GRIK1: variants seen among roughly 807,000 people sequenced by gnomAD.
The protein encoded by GRIK1 is glutamate receptor ionotropic, kainate 1.
In GRIK1, 69 loss-of-function variants were observed where a neutral mutation model predicts 105.7. The observed-to-expected ratio is 0.65, with a 90% CI of 0.54 to 0.80. The LOEUF (loss-of-function observed/expected upper bound fraction) is 0.80, where lower values mean the gene tolerates loss of function less well. GRIK1 is among the 30% of genes least tolerant of loss of function. The pLI, the probability that GRIK1 is intolerant of heterozygous loss-of-function variation, is 0.00. For missense variants in GRIK1, 1,109 were observed against 1,167.3 expected (o/e 0.95, Z 0.73); for synonymous variants, 438 against 431.3 (o/e 1.02, Z -0.19).
intron 1 of GRIK1, among the ~76,000 whole-genome samples, chr21:29,860,754 A>T (rs897237994): frequency 3.3e-5 from 5 of 152,206 alleles, no homozygotes; most frequent in Non-Finnish European, 5.9e-5. Context: ...AGAGTGAAAG[A>T]AGCAGTGCAA....
chr21:29,765,499 G>A (rs1446834586), intron 1 of GRIK1, among the ~76,000 whole-genome samples: 1 of 151,986 alleles, frequency 6.6e-6, no homozygotes, highest in Admixed American at 6.6e-5. Flanking sequence ...CATTCCTTCT[G>A]TCTTCTGTCA....
intron 1 of GRIK1, among the ~76,000 whole-genome samples, chr21:29,758,047 G>C (rs2065396190): frequency 6.6e-6 from 1 of 152,152 alleles, no homozygotes; most frequent in African/African-American, 2.4e-5. Context: ...AGGTGGGAAG[G>C]GGTAGCATGT....
intron 16 of GRIK1, among the ~76,000 whole-genome samples, chr21:29,545,462 C>T (rs370218254): frequency 4.6e-5 from 7 of 152,148 alleles, no homozygotes; most frequent in African/African-American, 9.7e-5. Context: ...TCATGGAAAA[C>T]GCTTGATTTT....
chr21:29,557,503 C>T (rs2090286668), intron 15 of GRIK1, among the ~76,000 whole-genome samples: 1 of 152,212 alleles, frequency 6.6e-6, no homozygotes, highest in Non-Finnish European at 1.5e-5. Flanking sequence ...CCCACCCCTA[C>T]ATAAGCCTTA....
intron 7 of GRIK1, among the ~76,000 whole-genome samples, chr21:29,620,364 G>A (rs1205947897): frequency 1.3e-5 from 2 of 152,188 alleles, no homozygotes; most frequent in Admixed American, 1.3e-4. Context: ...GTTTTACTGG[G>A]ATGAGGGCAT....
chr21:29,610,993 T>C (rs1275048762), intron 7 of GRIK1, among the ~76,000 whole-genome samples: 2 of 152,142 alleles, frequency 1.3e-5, no homozygotes, highest in Non-Finnish European at 2.9e-5. Flanking sequence ...CTAAGCACAA[T>C]GACATCAGAC....
At chr21:29,606,638 C>T (rs1601247299) in intron 7 of GRIK1, among the ~76,000 whole-genome samples, 2 of 151,802 alleles carry the variant, frequency 1.3e-5, no homozygotes, top group African/African-American at 4.8e-5. Context: ...TGTTATGGGC[C>T]ATTTAAGCTC....
chr21:29,882,512 A>G (rs949644655), intron 1 of GRIK1, among the ~76,000 whole-genome samples: 1 of 152,110 alleles, frequency 6.6e-6, no homozygotes, highest in African/African-American at 2.4e-5. Flanking sequence ...CTCCCTCTGA[A>G]TTCTGTGCTC....
rs76587969 is a variant in GRIK1, at chr21:29,931,442, C to G, written c.118+7941G>C. On this transcript the variant is annotated intron_variant, in intron 1 of 17. Coordinates refer to ENST00000327783, the MANE Select transcript of GRIK1 (RefSeq NM_001330994.2). ...GAGGAAGACCAGATAGGTAACATAC[C>G]CTTTGCATCACCTGTTATCAAGCGT... Among the ~76,000 whole-genome samples, 37 of 151,500 alleles carry G rather than the reference C, an allele frequency of 2.4e-4. No individual in the cohort carries two copies. In the East Asian group the frequency reaches 5.0e-3, roughly 21 times the overall value.
chr21:29,590,256 C>T (rs1435702064), intron 10 of GRIK1, among the ~76,000 whole-genome samples: 3 of 152,144 alleles, frequency 2.0e-5, no homozygotes, highest in Non-Finnish European at 2.9e-5. Context: ...CCAGTTTTTC[C>T]TTTGGATGAA....
At chr21:29,644,889 T>G (rs1356940254) in intron 6 of GRIK1, among the ~76,000 whole-genome samples, 1 of 152,180 alleles carries the variant, frequency 6.6e-6, no homozygotes, top group Non-Finnish European at 1.5e-5. Flanking sequence ...AACATTAAAT[T>G]TTCACTATAA....
chr21:29,900,177 C>T (rs919252485), intron 1 of GRIK1, among the ~76,000 whole-genome samples: 7 of 151,450 alleles, frequency 4.6e-5, no homozygotes, highest in African/African-American at 9.7e-5. Context: ...ACTGCAAAAA[C>T]ATGCCAAATT....
At chr21:29,699,406 T>C (rs925362836) in intron 1 of GRIK1, among the ~76,000 whole-genome samples, 5 of 152,092 alleles carry the variant, frequency 3.3e-5, no homozygotes, top group Non-Finnish European at 7.4e-5. Flanking sequence ...TACCAGGGAC[T>C]TGTGCACACA....
chr21:29,810,108 G>GC (rs1412003223), intron 1 of GRIK1, among the ~76,000 whole-genome samples: 1 of 152,070 alleles, frequency 6.6e-6, no homozygotes, highest in East Asian at 1.9e-4. Context: ...GACCAGTATT[G>GC]CCAACATGGT....
intron 5 of GRIK1, among the ~76,000 whole-genome samples, chr21:29,654,594 TAAAAG>T (rs1438376712): frequency 1.3e-5 from 2 of 150,382 alleles, no homozygotes; most frequent in African/African-American, 4.9e-5. Flanking sequence ...TGATACTAGT[TAAAAG>T]AAAAAGAAAG....
intron 1 of GRIK1, among the ~76,000 whole-genome samples, chr21:29,900,724 A>G (rs936539114): frequency 1.3e-5 from 2 of 152,162 alleles, no homozygotes; most frequent in Non-Finnish European, 2.9e-5. Flanking sequence ...TATTAGACAG[A>G]GCAACGAGAC....
intron 1 of GRIK1, among the ~76,000 whole-genome samples, chr21:29,756,665 G>T (rs1166925205): frequency 6.7e-6 from 1 of 149,710 alleles, no homozygotes; most frequent in South Asian, 2.1e-4. Flanking sequence ...TCAAGACAGA[G>T]GAAATCCTTA....
chr21:29,862,365 C>T (rs558001041), intron 1 of GRIK1, among the ~76,000 whole-genome samples: 8 of 152,172 alleles, frequency 5.3e-5, no homozygotes, highest in Non-Finnish European at 1.0e-4. Context: ...TTGTACCTCA[C>T]ATTTTATAAT....
Position 29,647,195 on chromosome 21 carries a change from A to G in GRIK1, c.954+3923T>C, listed in dbSNP as rs376779421. On this transcript the variant is annotated intron_variant, in intron 6 of 17. Transcript: ENST00000327783. ...GGCAAAACATCAGGTATCATCAAGT[A>G]AATTCAATTCTATGTACTAGAGGTT... is the stretch of plus-strand genomic sequence containing the variant. 6.6e-5 allele frequency among the ~76,000 whole-genome samples: 10 copies of G among 152,324 alleles called. No individual in the cohort carries two copies. The East Asian group carries it at 1.2e-3, about 18-fold the overall frequency.
Sources: allele counts gnomAD v4.1 joint callset (sites outside exome capture counted in the v4.1 genomes callset), GRCh38; gene constraint gnomAD v4.1.1; transcripts MANE v1.5; gene names NCBI Gene and HGNC (gene_info 2026-07-23, HGNC 2026-07-21).